The following TSHR variants were observed in gnomAD, a reference collection of about 807,000 sequenced individuals.
The protein encoded by TSHR is thyrotropin receptor.
A neutral mutation model predicts 64.1 loss-of-function variants in TSHR; 51 were observed. The ratio of observed to expected loss-of-function variants is 0.80; its 90% CI spans 0.64 to 1.01. The LOEUF is 1.01. Among genes scored for constraint, TSHR ranks in the 50% least tolerant of loss-of-function variants. The pLI, the probability that TSHR is intolerant of heterozygous loss-of-function variation, is 0.00. For missense variants in TSHR, 877 were observed against 942.8 expected (o/e 0.93, Z 0.91); for synonymous variants, 361 against 361.9 (o/e 1.00, Z 0.03).
At chr14:81,044,648 A>T (rs367971446) in intron 1 of TSHR, among the ~76,000 whole-genome samples, 2 of 118,556 alleles carry the variant, frequency 1.7e-5, no homozygotes, top group East Asian at 2.3e-4. Context: ...ACAGAGCAAG[A>T]CTCTGTCTCA....
chr14:80,975,722 T>G (rs1353615570), intron 1 of TSHR, among the ~76,000 whole-genome samples: 1 of 152,180 alleles, frequency 6.6e-6, no homozygotes, highest in Non-Finnish European at 1.5e-5. Context: ...CTTTCCTAAG[T>G]TGAATGCTCA....
At chr14:81,118,540 T>C (rs971008331) in intron 8 of TSHR, among the ~76,000 whole-genome samples, 3 of 150,986 alleles carry the variant, frequency 2.0e-5, no homozygotes, top group Admixed American at 1.3e-4. Context: ...TACAAACAAA[T>C]GGAAGAACAT....
intron 2 of TSHR, among the ~76,000 whole-genome samples, chr14:81,064,086 G>A (rs1566788481): frequency 6.6e-6 from 1 of 152,098 alleles, no homozygotes; most frequent in Admixed American, 6.6e-5. Context: ...CCATTCAATG[G>A]TTTTAAGCAG....
intron 1 of TSHR, among the ~76,000 whole-genome samples, chr14:81,028,496 G>C (rs566590406): frequency 6.6e-6 from 1 of 152,090 alleles, no homozygotes; most frequent in East Asian, 1.9e-4. Context: ...CCTACATTGA[G>C]TTGGGATCCC....
chr14:81,056,825 C>A (rs1412616351), intron 1 of TSHR, among the ~76,000 whole-genome samples: 1 of 152,154 alleles, frequency 6.6e-6, no homozygotes, highest in African/African-American at 2.4e-5. Context: ...AGTGTCACAC[C>A]TTGCATTGTA....
chr14:81,111,306 G>A (rs748308393), intron 8 of TSHR, among the ~76,000 whole-genome samples: 1 of 152,162 alleles, frequency 6.6e-6, no homozygotes, highest in Non-Finnish European at 1.5e-5. Context: ...TCCAGCATAC[G>A]CTTCTTATCC....
At chr14:80,960,062 T>C (rs1036521018) in intron 1 of TSHR, among the ~76,000 whole-genome samples, 1 of 152,216 alleles carries the variant, frequency 6.6e-6, no homozygotes, top group Non-Finnish European at 1.5e-5. Flanking sequence ...CTTCTCTTTG[T>C]TAAAAAGGAA....
chr14:81,135,918 G>A (rs1241432112), intron 8 of TSHR, among the ~76,000 whole-genome samples: 1 of 152,224 alleles, frequency 6.6e-6, no homozygotes, highest in African/African-American at 2.4e-5. Flanking sequence ...GCTTGACCCT[G>A]AAAGTGCAGA....
At chr14:81,087,740 G>A (rs116392797) in intron 3 of TSHR, 8,761 of 604,536 alleles carry the variant, frequency 0.014, 331 homozygotes, top group African/African-American at 0.1. Context: ...AGCCAACAAT[G>A]CAAAAGAGCT....
At chr14:81,126,781 C>T (rs915035135) in intron 8 of TSHR, among the ~76,000 whole-genome samples, 2 of 152,126 alleles carry the variant, frequency 1.3e-5, no homozygotes, top group African/African-American at 4.8e-5. Context: ...TTCACTGTTC[C>T]TTCTTTGCAA....
chr14:80,992,695 A>G (rs753645340), intron 1 of TSHR: 1 of 152,240 alleles, frequency 6.6e-6, no homozygotes, highest in Non-Finnish European at 1.5e-5. Context: ...GCTGCAAAAC[A>G]GAATTGCAAG....
intron 1 of TSHR, among the ~76,000 whole-genome samples, chr14:81,028,295 G>A (rs1164858734): frequency 6.6e-6 from 1 of 152,064 alleles, no homozygotes; most frequent in Non-Finnish European, 1.5e-5. Context: ...AGAAAAATTA[G>A]CAAAGCAGGA....
Position 81,036,916 on chromosome 14 carries a change from G to A in TSHR, c.171-25232G>A, listed in dbSNP as rs1884653920. On this transcript the variant is annotated intron_variant, in intron 1 of 9. Coordinates refer to ENST00000298171, the MANE Select transcript of TSHR (RefSeq NM_000369.5). Reference sequence around the variant, plus strand: ...CCAACACTTTGGGAGGCCGAGGTGGGTGGATCACCTGAGGTCAGAAGTTTG... The same window carrying A: ...CCAACACTTTGGGAGGCCGAGGTGGATGGATCACCTGAGGTCAGAAGTTTG... Among the ~76,000 whole-genome samples the A allele has an allele frequency of 2.0e-5, 3 of 152,152 alleles. No individual in the cohort carries two copies. The South Asian group carries it at 6.2e-4, about 31-fold the overall frequency.
In TSHR at chr14:81,134,570, C is replaced by G. The variant is rs142761205; in HGVS notation, c.693-5109C>G. On this transcript the variant is annotated intron_variant, in intron 8 of 9. Transcript: ENST00000298171. ...TAGGTACCAAAAATACGGCAATAAACAGAACAGGCAGTATTTCAGCTCTCA... is the reference window on the plus strand; with the variant it reads ...TAGGTACCAAAAATACGGCAATAAAGAGAACAGGCAGTATTTCAGCTCTCA... Among the ~76,000 whole-genome samples the G allele has an allele frequency of 6.6e-5, 10 of 152,188 alleles. No individual in the cohort carries two copies. In the East Asian group the frequency reaches 1.9e-3, roughly 29 times the overall value.
intron 1 of TSHR, among the ~76,000 whole-genome samples, chr14:81,002,805 TTTATC>T (rs1889404460): frequency 3.1e-5 from 1 of 32,116 alleles, no homozygotes; most frequent in Non-Finnish European, 8.7e-5. Flanking sequence ...TTTTTTTTTT[TTTATC>T]TTTTTTTTTT....
At chr14:81,047,650 T>G (rs889299858) in intron 1 of TSHR, among the ~76,000 whole-genome samples, 2 of 149,760 alleles carry the variant, frequency 1.3e-5, no homozygotes, top group Non-Finnish European at 3.0e-5. Context: ...ATGACACATG[T>G]TTGTTCATTG....
chr14:80,983,061 G>T lies in TSHR; in HGVS notation c.170+27211G>T, dbSNP rs188891572. Reference sequence around the variant, plus strand: ...ATAACGTTCACCCATTTGCCCAAGAGTTTATTAATGAAATGGTATAATGAT... The same window carrying T: ...ATAACGTTCACCCATTTGCCCAAGATTTTATTAATGAAATGGTATAATGAT... On this transcript the variant is annotated intron_variant, in intron 1 of 9. Transcript: ENST00000298171. 10 of 562,482 alleles carry T rather than the reference G, an allele frequency of 1.8e-5. No homozygotes were observed. The East Asian group carries it at 2.8e-4, about 16-fold the overall frequency. 34.8% of individuals were successfully genotyped at this position (562,482 alleles called of 1,614,324 possible).
chr14:81,124,389 G>T (rs986908865), intron 8 of TSHR, among the ~76,000 whole-genome samples: 1 of 151,792 alleles, frequency 6.6e-6, no homozygotes. Flanking sequence ...ATACAATAAC[G>T]TACACAATTT....
In TSHR at chr14:81,103,991, G is replaced by A. The variant is rs58266286; in HGVS notation, c.615-4384G>A. On this transcript the variant is annotated intron_variant, in intron 7 of 9. Coordinates refer to ENST00000298171, the MANE Select transcript of TSHR (RefSeq NM_000369.5). The surrounding 1 kb of genome is among the most constrained non-coding windows in gnomAD (Gnocchi z 4.1). ...ATTAGCATCATGCATTAGCTGATTC[G>A]AAGTAAAACACCACATCTTGGCACA... 1.8e-3 allele frequency: 1,756 copies of A among 985,342 alleles called. 20 individuals carry two copies. The African/African-American group carries it at 0.028, about 16-fold the overall frequency. The allele number at this position is 985,342 out of a possible 1,614,324, so 61.0% of individuals were successfully genotyped here. A position where few individuals can be genotyped will look rare whatever the true frequency, so the allele number is the denominator to read the frequency against.
Sources: allele counts gnomAD v4.1 joint callset (sites outside exome capture counted in the v4.1 genomes callset), GRCh38; gene constraint gnomAD v4.1.1; non-coding constraint Gnocchi (gnomAD v3.1); transcripts MANE v1.5; gene names NCBI Gene and HGNC (gene_info 2026-07-23, HGNC 2026-07-21).